The following CSMD1 variants were observed in gnomAD, a reference collection of about 807,000 sequenced individuals.
The protein encoded by CSMD1 is CUB and Sushi multiple domains 1, also known as CUB and sushi domain-containing protein 1.
A neutral mutation model predicts 417.5 loss-of-function variants in CSMD1; 213 were observed. That is an observed-to-expected ratio of 0.51 (90% CI 0.46 to 0.57). The LOEUF (loss-of-function observed/expected upper bound fraction) is 0.57, where lower values mean the gene tolerates loss of function less well. CSMD1 is among the 20% of genes least tolerant of loss of function. The pLI, the probability that CSMD1 is intolerant of heterozygous loss-of-function variation, is 0.00. For synonymous variants in CSMD1, 2,862 were observed against 1,736.8 expected, an observed-to-expected ratio of 1.65 and a Z score of -16.11; for missense variants, 6,923 against 4,529.7, an observed-to-expected ratio of 1.53 and a Z score of -15.17.
chr8:4,697,281 T>C (rs1807195621), intron 1 of CSMD1, among the ~76,000 whole-genome samples: 1 of 152,164 alleles, frequency 6.6e-6, no homozygotes. Context: ...CAAGACAAGA[T>C]GAAAACAAGA....
intron 1 of CSMD1, among the ~76,000 whole-genome samples, chr8:4,724,522 G>T (rs10087881): frequency 9.2e-5 from 1 of 10,866 alleles, no homozygotes; most frequent in South Asian, 5.4e-3. Flanking sequence ...ATATATATAT[G>T]TGTGTGTGTG....
chr8:4,531,028 C>G (rs1033707772), intron 2 of CSMD1, among the ~76,000 whole-genome samples: 1 of 152,096 alleles, frequency 6.6e-6, no homozygotes, highest in African/African-American at 2.4e-5. Flanking sequence ...CTCTGCCGCT[C>G]TCTGTTGGAT....
intron 6 of CSMD1, among the ~76,000 whole-genome samples, chr8:3,730,231 G>C (rs943774064): frequency 6.6e-6 from 1 of 152,010 alleles, no homozygotes; most frequent in Non-Finnish European, 1.5e-5. Flanking sequence ...TTCCCCATAT[G>C]GTTAAATTCG....
At chr8:3,552,371 C>T (rs1798954645) in intron 10 of CSMD1, among the ~76,000 whole-genome samples, 1 of 152,088 alleles carries the variant, frequency 6.6e-6, no homozygotes, top group African/African-American at 2.4e-5. Context: ...ACTAAATCTC[C>T]ATGACATTTT....
At chr8:3,709,517 G>A (rs1256391499) in intron 6 of CSMD1, among the ~76,000 whole-genome samples, 1 of 151,858 alleles carries the variant, frequency 6.6e-6, no homozygotes, top group Non-Finnish European at 1.5e-5. Flanking sequence ...TGTCATGGAT[G>A]ATATTAACAT....
At chr8:3,676,957 A>C (rs1231033656) in intron 7 of CSMD1, among the ~76,000 whole-genome samples, 1 of 152,094 alleles carries the variant, frequency 6.6e-6, no homozygotes, top group Non-Finnish European at 1.5e-5. Flanking sequence ...AAACAATGAC[A>C]ACACAAGGAC....
At chr8:4,860,503 G>A (rs1013380689) in intron 1 of CSMD1, among the ~76,000 whole-genome samples, 2 of 151,906 alleles carry the variant, frequency 1.3e-5, no homozygotes, top group Non-Finnish European at 2.9e-5. Context: ...CTTTTACCAT[G>A]AGTAAAAGCT....
intron 12 of CSMD1, among the ~76,000 whole-genome samples, chr8:3,439,309 A>ATATATATATATATTTTTTT: frequency 9.0e-4 from 56 of 62,418 alleles, no homozygotes; most frequent in Middle Eastern, 0.01. Flanking sequence ...ATATATATAT[A>ATATATATATATATTTTTTT]TTTTTTTTTT....
chr8:3,102,007 G>A (rs768513968), intron 46 of CSMD1, among the ~76,000 whole-genome samples: 9 of 151,860 alleles, frequency 5.9e-5, no homozygotes, highest in Non-Finnish European at 1.2e-4. Context: ...TCACCATGTT[G>A]GCCAGGCTGG....
At chr8:4,241,370 C>A (rs1802387023) in intron 3 of CSMD1, among the ~76,000 whole-genome samples, 1 of 152,194 alleles carries the variant, frequency 6.6e-6, no homozygotes, top group Non-Finnish European at 1.5e-5. Flanking sequence ...AGTAGCAGGT[C>A]CTCAGGGAAA....
At chr8:4,440,257 A>G (rs561544086) in intron 2 of CSMD1, among the ~76,000 whole-genome samples, 29 of 152,300 alleles carry the variant, frequency 1.9e-4, no homozygotes, top group African/African-American at 6.5e-4. Context: ...CATATTGTAT[A>G]TATTTATAAG....
At chr8:2,974,959 T>C (rs1376304537) in intron 55 of CSMD1, among the ~76,000 whole-genome samples, 1 of 152,180 alleles carries the variant, frequency 6.6e-6, no homozygotes, top group African/African-American at 2.4e-5. Context: ...TGAACAGTAT[T>C]ATAGGAAATT....
At chr8:3,688,361 G>A (rs1800053899) in intron 7 of CSMD1, among the ~76,000 whole-genome samples, 2 of 152,222 alleles carry the variant, frequency 1.3e-5, no homozygotes, top group South Asian at 4.1e-4. Flanking sequence ...ATCATCCAGT[G>A]ATATTTATAA....
At chr8:3,075,380 C>G (rs1418211251) in intron 49 of CSMD1, among the ~76,000 whole-genome samples, 1 of 150,770 alleles carries the variant, frequency 6.6e-6, no homozygotes. Context: ...CTCCTGGATT[C>G]AAGTGATTTT....
intron 3 of CSMD1, among the ~76,000 whole-genome samples, chr8:4,211,590 G>A (rs1270870977): frequency 6.6e-6 from 1 of 152,144 alleles, no homozygotes; most frequent in African/African-American, 2.4e-5. Flanking sequence ...TGCTGAAACG[G>A]CAAAAGTCAT....
At chr8:4,241,828 A>C (rs376120728) in intron 3 of CSMD1, among the ~76,000 whole-genome samples, 18 of 151,864 alleles carry the variant, frequency 1.2e-4, no homozygotes, top group African/African-American at 4.1e-4. Context: ...CTCCTGTCTC[A>C]GCCTCCCAAG....
chr8:3,505,495 C>A (rs1796786816), intron 10 of CSMD1, among the ~76,000 whole-genome samples: 1 of 152,146 alleles, frequency 6.6e-6, no homozygotes, highest in Non-Finnish European at 1.5e-5. Flanking sequence ...GATAAAAGTG[C>A]TTCATTATGG....
intron 5 of CSMD1, among the ~76,000 whole-genome samples, chr8:3,903,880 A>T (rs2975334): frequency 0.29 from 43,444 of 147,898 alleles, 8,797 homozygotes; most frequent in African/African-American, 0.62. Flanking sequence ...ATATATATAT[A>T]TTTTTTTACC....
intron 12 of CSMD1, among the ~76,000 whole-genome samples, chr8:3,436,331 C>T (rs963816543): frequency 2.0e-5 from 3 of 152,146 alleles, no homozygotes; most frequent in Non-Finnish European, 4.4e-5. Flanking sequence ...GCCTTAGAAG[C>T]CATGAGACAG....
Sources: allele counts gnomAD v4.1 joint callset (sites outside exome capture counted in the v4.1 genomes callset), GRCh38; gene constraint gnomAD v4.1.1; transcripts MANE v1.5; gene names NCBI Gene and HGNC (gene_info 2026-07-23, HGNC 2026-07-21).